The following INTS4 variants were observed in gnomAD, a reference collection of about 807,000 sequenced individuals.
INTS4 encodes MSTP093.
INTS4 carries 70 observed loss-of-function variants against 119.5 expected under a neutral mutation model. The ratio of observed to expected loss-of-function variants is 0.59; its 90% CI spans 0.48 to 0.71. The LOEUF (loss-of-function observed/expected upper bound fraction) is 0.71, where lower values mean the gene tolerates loss of function less well. Among genes scored for constraint, INTS4 ranks in the 30% least tolerant of loss-of-function variants. The pLI, the probability that INTS4 is intolerant of heterozygous loss-of-function variation, is 0.00. For missense variants in INTS4, 867 were observed against 1,173.2 expected (o/e 0.74, Z 3.81); for synonymous variants, 316 against 419.6 (o/e 0.75, Z 3.02).
intron 18 of INTS4, among the ~76,000 whole-genome samples, chr11:77,899,111 A>G (rs974070413): frequency 7.2e-5 from 11 of 152,172 alleles, no homozygotes; most frequent in African/African-American, 2.7e-4. Flanking sequence ...AGGTACTACT[A>G]TTATCTCAGT....
At chr11:77,875,804 G>A (rs966705931), downstream of INTS4, among the ~76,000 whole-genome samples, 9 of 152,166 alleles carry the variant, frequency 5.9e-5, no homozygotes, top group Non-Finnish European at 1.0e-4. Flanking sequence ...AGAACCACAG[G>A]AGACAGTCTG....
At chr11:77,933,952 A>G (rs2136509864) in intron 10 of INTS4, among the ~76,000 whole-genome samples, 1 of 152,162 alleles carries the variant, frequency 6.6e-6, no homozygotes, top group Middle Eastern at 3.4e-3. Flanking sequence ...GGAGTGGAGA[A>G]GGGGGAAATG....
At chr11:77,908,747 A>G (rs997075327) in intron 15 of INTS4, among the ~76,000 whole-genome samples, 1 of 152,258 alleles carries the variant, frequency 6.6e-6, no homozygotes, top group Admixed American at 6.5e-5. Context: ...TAATGGTAAT[A>G]GGGTGCTCTT....
In INTS4 at chr11:77,922,441, T is replaced by G. The variant is rs1211992594; in HGVS notation, c.1545A>C (p.Pro515=). Residue 515 remains proline, a synonymous_variant, in exon 13 of 23, where the codon CCA becomes CCC. Transcript: ENST00000534064. ...KCLKFLGSRH[P]TLVLPLVPEL... Reference sequence around the variant, plus strand: ...CTGGCACCAAGGGAAGCACCAGGGTTGGATGCCGACTTCCCAGAAACTTCA... The same window carrying G: ...CTGGCACCAAGGGAAGCACCAGGGTGGGATGCCGACTTCCCAGAAACTTCA... 2.7e-6 allele frequency: 4 copies of G among 1,497,804 alleles called. No individual in the cohort carries two copies. In the East Asian group the frequency reaches 9.4e-5, roughly 35 times the overall value. The allele number at this position is 1,497,804 out of a possible 1,614,324, so 92.8% of individuals were successfully genotyped here.
chr11:77,903,715 C>T, intron 16 of INTS4, 95 bp from the exon 17 acceptor site: 1 of 866,360 alleles, frequency 1.2e-6, no homozygotes, highest in South Asian at 1.7e-5. Flanking sequence ...TGAAAGTCTC[C>T]CATGAACATG....
In INTS4 at chr11:77,941,173, A is replaced by T. The variant is rs778854118; in HGVS notation, c.990+7T>A. On this transcript the variant is annotated splice_region_variant and intron_variant, in intron 9 of 22. Coordinates refer to ENST00000534064, the MANE Select transcript of INTS4 (RefSeq NM_033547.4). The stretch of plus-strand genomic sequence containing the variant: ...ACCCACTTTAAACAACAAAGAATAA[A>T]AGGTACCCTCAGATCTGACATCAGC... 6.2e-7 allele frequency: 1 copy of T among 1,611,496 alleles called. No individual in the cohort carries two copies. The highest frequency in any genetic ancestry group is 8.5e-7 in the Non-Finnish European group (1 of 1,179,372).
At chr11:77,975,017 A>G (rs921689559) in intron 4 of INTS4, among the ~76,000 whole-genome samples, 1 of 151,936 alleles carries the variant, frequency 6.6e-6, no homozygotes, top group African/African-American at 2.4e-5. Context: ...AGGTTTGTCA[A>G]TTTTGTTGAT....
intron 21 of INTS4, among the ~76,000 whole-genome samples, chr11:77,891,000 C>T (rs572153833): frequency 1.3e-5 from 2 of 152,292 alleles, no homozygotes; most frequent in South Asian, 2.1e-4. Context: ...CAAATCTTAA[C>T]GTCACATTAC....
chr11:77,928,235 C>T, intron 11 of INTS4, 107 bp downstream of exon 11: 1 of 1,156,722 alleles, frequency 8.6e-7, no homozygotes. Context: ...GAAAACAGAA[C>T]TGTGCTCCCT....
intron 4 of INTS4, among the ~76,000 whole-genome samples, chr11:77,970,573 A>G (rs1855688292): frequency 6.6e-6 from 1 of 151,932 alleles, no homozygotes. Flanking sequence ...TCACTCCTGT[A>G]ATCCTAGCAC....
chr11:77,906,090 C>A (rs1233665412), intron 16 of INTS4, among the ~76,000 whole-genome samples: 1 of 151,714 alleles, frequency 6.6e-6, no homozygotes, highest in Non-Finnish European at 1.5e-5. Flanking sequence ...ATTTTCTGGG[C>A]TGTGGTTTTT....
intron 14 of INTS4, among the ~76,000 whole-genome samples, chr11:77,920,685 T>C (rs944529956): frequency 2.6e-5 from 4 of 151,688 alleles, no homozygotes; most frequent in African/African-American, 9.7e-5. Flanking sequence ...ACCCTGTCTC[T>C]ACTAAAAATA....
At position 77,900,686 on chromosome 11, in the gene INTS4, G is replaced by A. The variant is rs146247145; in HGVS notation, c.2228+735C>T. On this transcript the variant is annotated intron_variant, in intron 18 of 22. Transcript: ENST00000534064. ...AGATGCACCTTTATTTTATGAAATA[G>A]TAAGAAACAAAAAACACTATGGGAC... is the stretch of plus-strand genomic sequence containing the variant. 2,040 of 682,010 alleles carry A rather than the reference G, an allele frequency of 3.0e-3. 45 individuals are homozygous for A. The East Asian group carries it at 0.047, about 16-fold the overall frequency. 42.2% of individuals were successfully genotyped at this position (682,010 alleles called of 1,614,324 possible).
intron 17 of INTS4, 148 bp from the exon 18 acceptor site, chr11:77,901,699 T>C (rs1952783247): frequency 1.6e-6 from 1 of 611,542 alleles, no homozygotes; most frequent in Non-Finnish European, 2.9e-6. Flanking sequence ...GAAATTAGTA[T>C]AGTATGCCTT....
chr11:77,921,516 T>A (rs1953360159), intron 13 of INTS4, 43 bp from the exon 14 acceptor site: 1 of 1,459,268 alleles, frequency 6.9e-7, no homozygotes, highest in African/African-American at 1.4e-5. Context: ...GTATAAAAGG[T>A]TGGCCAGATT....
At chr11:77,879,748 G>A (rs536849993) in intron 22 of INTS4, among the ~76,000 whole-genome samples, 1 of 152,266 alleles carries the variant, frequency 6.6e-6, no homozygotes, top group South Asian at 2.1e-4. Flanking sequence ...CCCTCAAGTT[G>A]CCTGCTGTTT....
At chr11:77,877,903 A>G (rs928728076), downstream of INTS4, among the ~76,000 whole-genome samples, 2 of 152,138 alleles carry the variant, frequency 1.3e-5, no homozygotes, top group East Asian at 3.9e-4. Flanking sequence ...AAAACTTTTA[A>G]CTCACATGCA....
chr11:77,985,656 T>C (rs1856427349), intron 2 of INTS4, among the ~76,000 whole-genome samples: 2 of 152,224 alleles, frequency 1.3e-5, no homozygotes, highest in Non-Finnish European at 1.5e-5. Context: ...TTACATCATC[T>C]ACATCTCTAT....
At chr11:77,932,164 G>A (rs995548636) in intron 10 of INTS4, among the ~76,000 whole-genome samples, 2 of 152,060 alleles carry the variant, frequency 1.3e-5, no homozygotes, top group East Asian at 1.9e-4. Flanking sequence ...CCTACAGAAT[G>A]GGAGAAAATT....
Sources: gnomAD v4.1 joint callset for allele counts (sites outside exome capture counted in the v4.1 genomes callset) on GRCh38, gnomAD v4.1.1 for gene constraint, MANE v1.5 for transcripts, NCBI Gene and HGNC (gene_info 2026-07-23, HGNC 2026-07-21) for gene names.